FAM227B: variants seen among roughly 807,000 people sequenced by gnomAD.
FAM227B encodes protein FAM227B.
Under a neutral mutation model 73.8 loss-of-function variants are expected in FAM227B, and 88 were observed. That is an observed-to-expected ratio of 1.19 (90% CI 1.00 to 1.42). The LOEUF is 1.42. Ranked by LOEUF, FAM227B falls within the 40% of genes most tolerant of loss-of-function variation. The pLI is 0.00. For missense variants in FAM227B, 632 were observed against 590.9 expected (o/e 1.07, Z -0.72); for synonymous variants, 210 against 190.5 (o/e 1.10, Z -0.84).
chr15:49,378,901 T>C (rs1358249931), intron 11 of FAM227B, among the ~76,000 whole-genome samples: 4 of 152,254 alleles, frequency 2.6e-5, no homozygotes, highest in Admixed American at 2.6e-4. Context: ...TTTTAGTTTT[T>C]CCTCACTCAA....
At chr15:49,444,966 A>G (rs1440828424) in intron 11 of FAM227B, among the ~76,000 whole-genome samples, 1 of 151,664 alleles carries the variant, frequency 6.6e-6, no homozygotes, top group Non-Finnish European at 1.5e-5. Context: ...ACAAATATTC[A>G]TGTATTCATA....
intron 8 of FAM227B, among the ~76,000 whole-genome samples, chr15:49,573,786 G>A (rs1567610704): frequency 6.6e-6 from 1 of 152,154 alleles, no homozygotes; most frequent in Non-Finnish European, 1.5e-5. Flanking sequence ...AATTAGTCAA[G>A]TTGCTTGACA....
intron 1 of FAM227B, among the ~76,000 whole-genome samples, chr15:49,618,371 A>AG (rs2078432994): frequency 6.6e-6 from 1 of 152,168 alleles, no homozygotes; most frequent in South Asian, 2.1e-4. Flanking sequence ...ATCTGTAAGG[A>AG]AAAAAAATCT....
At chr15:49,494,343 G>A (rs576643638) in intron 11 of FAM227B, among the ~76,000 whole-genome samples, 4 of 150,790 alleles carry the variant, frequency 2.7e-5, no homozygotes, top group South Asian at 2.1e-4. Context: ...ACAAAGAAAC[G>A]TATATTGTCA....
At chr15:49,560,273 A>G (rs1379270285) in intron 9 of FAM227B, among the ~76,000 whole-genome samples, 2 of 152,280 alleles carry the variant, frequency 1.3e-5, no homozygotes, top group East Asian at 3.9e-4. Flanking sequence ...CAGAAGAAAA[A>G]TTTTCAGAGC....
At chr15:49,551,529 T>C (rs894625082) in intron 9 of FAM227B, among the ~76,000 whole-genome samples, 1 of 152,196 alleles carries the variant, frequency 6.6e-6, no homozygotes, top group African/African-American at 2.4e-5. Flanking sequence ...AACAGAACAA[T>C]GAGTCTTGTT....
intron 11 of FAM227B, among the ~76,000 whole-genome samples, chr15:49,477,032 C>T (rs886308453): frequency 1.6e-4 from 24 of 149,106 alleles, no homozygotes; most frequent in South Asian, 4.2e-4. Flanking sequence ...TGCACTCCAG[C>T]CTGGGCGACA....
rs946086668 is a variant in FAM227B, at chr15:49,354,997, C to G, written c.1271+12451G>C. On this transcript the variant is annotated intron_variant, in intron 13 of 15. Coordinates refer to ENST00000299338, the MANE Select transcript of FAM227B (RefSeq NM_152647.3). ...AGGGGCACACTGACACCTCACACGG[C>G]AGGGTACTCCAACAGACCTGCAGCT... Among the ~76,000 whole-genome samples the G allele has an allele frequency of 4.0e-5, 6 of 151,824 alleles. No homozygotes were observed. The South Asian group carries it at 8.3e-4, about 21-fold the overall frequency.
intron 10 of FAM227B, among the ~76,000 whole-genome samples, chr15:49,538,155 GGA>G (rs904446621): frequency 1.1e-4 from 17 of 152,312 alleles, no homozygotes; most frequent in South Asian, 4.1e-4. Flanking sequence ...TTGCAAGCCA[GGA>G]GAGAGTTTGA....
chr15:49,487,914 T>C (rs1597513355), intron 11 of FAM227B: 1 of 152,098 alleles, frequency 6.6e-6, no homozygotes, highest in East Asian at 1.9e-4. Context: ...TCCACTGCCA[T>C]TTACTTGAGC....
intron 11 of FAM227B, among the ~76,000 whole-genome samples, chr15:49,374,104 G>C (rs1397745438): frequency 1.3e-5 from 2 of 152,108 alleles, no homozygotes; most frequent in Non-Finnish European, 2.9e-5. Flanking sequence ...AACCACACCA[G>C]ATAAAAGCTC....
At chr15:49,601,250 G>A (rs539380551) in intron 3 of FAM227B, among the ~76,000 whole-genome samples, 9 of 150,924 alleles carry the variant, frequency 6.0e-5, no homozygotes, top group Non-Finnish European at 1.3e-4. Flanking sequence ...TTTAAATAAT[G>A]GTACACTTTG....
intron 11 of FAM227B, 91 bp from the exon 12 acceptor site, chr15:49,371,490 A>ACC (rs2045802678): frequency 1.5e-6 from 1 of 655,126 alleles, no homozygotes; most frequent in Non-Finnish European, 2.6e-6. Context: ...TTAACAATGC[A>ACC]CCCTAAACAT....
At chr15:49,390,262 A>C (rs2047131021) in intron 11 of FAM227B, among the ~76,000 whole-genome samples, 1 of 152,028 alleles carries the variant, frequency 6.6e-6, no homozygotes, top group African/African-American at 2.4e-5. Context: ...TGTATGAGTT[A>C]CTGTGGTAGA....
Position 49,341,460 on chromosome 15 carries a change from A to T in FAM227B, c.1272-5964T>A, listed in dbSNP as rs544625257. On this transcript the variant is annotated intron_variant, in intron 13 of 15. Transcript: ENST00000299338. ...GAATTTTCTAGTTTTCTTTGTAGAGATCTTGCACCTCCTGGGTTAGATGTA... is the reference window on the plus strand; with the variant it reads ...GAATTTTCTAGTTTTCTTTGTAGAGTTCTTGCACCTCCTGGGTTAGATGTA... Among the ~76,000 whole-genome samples, 5 of 152,066 alleles carry T rather than the reference A, an allele frequency of 3.3e-5. No homozygotes were observed. The East Asian group carries it at 7.7e-4, about 24-fold the overall frequency.
chr15:49,341,467 A>G (rs1454064668), intron 13 of FAM227B, among the ~76,000 whole-genome samples: 1 of 151,870 alleles, frequency 6.6e-6, no homozygotes, highest in African/African-American at 2.4e-5. Flanking sequence ...GAGATCTTGC[A>G]CCTCCTGGGT....
At chr15:49,534,266 C>G (rs1310736697) in intron 10 of FAM227B, among the ~76,000 whole-genome samples, 1 of 151,788 alleles carries the variant, frequency 6.6e-6, no homozygotes, top group Non-Finnish European at 1.5e-5. Flanking sequence ...TAAAGTTTCA[C>G]CTCTCAATAT....
intron 3 of FAM227B, among the ~76,000 whole-genome samples, chr15:49,597,398 G>A (rs942903564): frequency 1.1e-4 from 17 of 151,794 alleles, no homozygotes; most frequent in Admixed American, 4.6e-4. Flanking sequence ...AAATCAAGAT[G>A]GAAATTTAAA....
intron 12 of FAM227B, among the ~76,000 whole-genome samples, chr15:49,369,015 G>A (rs1281105444): frequency 6.6e-6 from 1 of 152,192 alleles, no homozygotes; most frequent in African/African-American, 2.4e-5. Flanking sequence ...CTGGAGTGCA[G>A]TAGCGTGATC....
Sources: allele counts gnomAD v4.1 joint callset (sites outside exome capture counted in the v4.1 genomes callset), GRCh38; gene constraint gnomAD v4.1.1; transcripts MANE v1.5; gene names NCBI Gene and HGNC (gene_info 2026-07-23, HGNC 2026-07-21).